Variants in HGS observed in about 807,000 individuals in gnomAD.
The protein encoded by HGS is hepatocyte growth factor-regulated tyrosine kinase substrate, also known as human growth factor-regulated tyrosine kinase substrate.
A neutral mutation model predicts 109.7 loss-of-function variants in HGS; 63 were observed. The observed-to-expected ratio is 0.57, with a 90% CI of 0.47 to 0.71. HGS has a LOEUF of 0.71. Ranked by LOEUF, HGS falls within the 30% of genes least tolerant of loss-of-function variation. The pLI is 0.00. For synonymous variants in HGS, 546 were observed against 437.3 expected (o/e 1.25, Z -3.10); for missense variants, 995 against 1,068.3 (o/e 0.93, Z 0.96).
intron 4 of HGS, among the ~76,000 whole-genome samples, chr17:81,688,408 G>A (rs563526860): frequency 2.0e-5 from 3 of 152,354 alleles, no homozygotes; most frequent in African/African-American, 4.8e-5. Context: ...GGAGGCTGAC[G>A]GGAACCGGGG....
intron 2 of HGS, 107 bp from the exon 3 acceptor site, chr17:81,686,205 A>G (rs967602016): frequency 4.6e-6 from 4 of 869,472 alleles, no homozygotes; most frequent in Non-Finnish European, 5.5e-6. Context: ...CACTGGGATT[A>G]CAGGCGTGAG....
chr17:81,686,468 G>A (rs2036981290), intron 3 of HGS, 81 bp downstream of exon 3: 2 of 1,041,276 alleles, frequency 1.9e-6, no homozygotes, highest in South Asian at 1.3e-5. Context: ...AGTTTGTCCT[G>A]TGGCCTTGCC....
chr17:81,696,532 G>A lies in HGS; in HGVS notation c.1566+3G>A. On this transcript the variant is annotated splice_donor_region_variant and intron_variant, in intron 16 of 21. Coordinates refer to ENST00000329138, the MANE Select transcript of HGS (RefSeq NM_004712.5). ...AGATAATGCGGCAGAAGAAGCAGGT[G>A]CAGTGGCTGCCCAGCCACAGGCCGG... 1 of 1,532,532 alleles carries A rather than the reference G, an allele frequency of 6.5e-7. No homozygotes were observed. Among genetic ancestry groups the A allele is most frequent in the Middle Eastern group, 1.7e-4 (1 of 5,762 alleles). The allele number at this position is 1,532,532 out of a possible 1,614,324, so 94.9% of individuals were successfully genotyped here.
chr17:81,691,056 C>T lies in HGS; in HGVS notation c.537+314C>T. On this transcript the variant is annotated intron_variant, in intron 7 of 21. Coordinates refer to ENST00000329138, the MANE Select transcript of HGS (RefSeq NM_004712.5). This position sits in a 1 kb window ranked among gnomAD's most constrained non-coding sequence, Gnocchi z 5.3. The stretch of plus-strand genomic sequence containing the variant: ...GCCCCCTTCTCTTTGTGGCTTAGCC[C>T]ATCTGGATTCTTACCCTCGAGGCAT... 4.4e-6 allele frequency: 2 copies of T among 451,720 alleles called. No homozygotes were observed. Among genetic ancestry groups the T allele is most frequent in the South Asian group, 3.0e-5 (1 of 33,198 alleles). 28.0% of individuals were successfully genotyped at this position (451,720 alleles called of 1,614,324 possible). A position where few individuals can be genotyped will look rare whatever the true frequency, so the allele number is the denominator to read the frequency against.
intron 18 of HGS, 27 bp from the exon 19 acceptor site, chr17:81,700,440 C>T: frequency 6.6e-7 from 1 of 1,518,972 alleles, no homozygotes; most frequent in Non-Finnish European, 8.8e-7. Context: ...CCTGGCTGAA[C>T]CATCTCCCCT....
intron 1 of HGS, among the ~76,000 whole-genome samples, chr17:81,685,363 C>T (rs1162209149): frequency 6.6e-6 from 1 of 152,164 alleles, no homozygotes; most frequent in Non-Finnish European, 1.5e-5. Flanking sequence ...TTACCTCGCT[C>T]GCGGGTTGTG....
Position 81,686,401 on chromosome 17 carries a change from C to T in HGS, c.198+14C>T, listed in dbSNP as rs766710848. ...TATGCCCTGGAGGTAAGCAGACCCC[C>T]GTGCCTCAGTGGCCCCCAGGGTCCC... On this transcript the variant is annotated intron_variant, in intron 3 of 21. Coordinates refer to ENST00000329138, the MANE Select transcript of HGS (RefSeq NM_004712.5). The T allele has an allele frequency of 1.4e-5, 23 of 1,609,270 alleles. No homozygotes were observed. Among genetic ancestry groups the T allele is most frequent in the East Asian group, 2.2e-5 (1 of 44,874 alleles).
At chr17:81,685,186 G>A (rs1568211127) in intron 1 of HGS, 1 of 509,784 alleles carries the variant, frequency 2.0e-6, no homozygotes, top group Non-Finnish European at 2.5e-6. Flanking sequence ...CCCAAGCTAA[G>A]GTCCCATTGA....
intron 11 of HGS, among the ~76,000 whole-genome samples, 180 bp downstream of exon 11, chr17:81,694,145 G>A (rs1359239476): frequency 2.0e-5 from 3 of 152,136 alleles, no homozygotes; most frequent in Non-Finnish European, 4.4e-5. Context: ...CCAGGCACCC[G>A]TTGCTCCTGG....
In HGS at chr17:81,696,017, G is replaced by T; in HGVS notation, c.1393+18G>T. On this transcript the variant is annotated intron_variant, in intron 15 of 21. Coordinates refer to ENST00000329138, the MANE Select transcript of HGS (RefSeq NM_004712.5). ...GCGCAGGCGTAGGTGCCCGCGCCAC[G>T]GGGCCTCGGCTCAGGGGCAGCCAGG... The T allele has an allele frequency of 2.0e-6, 3 of 1,532,808 alleles. No homozygotes were observed. Among genetic ancestry groups the T allele is most frequent in the Non-Finnish European group, 2.6e-6 (3 of 1,138,730 alleles). 95.0% of individuals were successfully genotyped at this position (1,532,808 alleles called of 1,614,324 possible). A position where few individuals can be genotyped will look rare whatever the true frequency, so the allele number is the denominator to read the frequency against.
At chr17:81,686,832 G>A (rs1446325944) in intron 3 of HGS, among the ~76,000 whole-genome samples, 171 bp from the exon 4 acceptor site, 2 of 146,948 alleles carry the variant, frequency 1.4e-5, no homozygotes, top group South Asian at 2.1e-4. Flanking sequence ...GTTCCCCTCC[G>A]GCCACTGACG....
At chr17:81,689,206 C>T (rs1483634668) in intron 5 of HGS, among the ~76,000 whole-genome samples, 1 of 152,194 alleles carries the variant, frequency 6.6e-6, no homozygotes, top group Non-Finnish European at 1.5e-5. Flanking sequence ...CGTGAGCAGG[C>T]AGGCAGCACC....
chr17:81,695,846 A>G lies in HGS; in HGVS notation c.1240A>G (p.Asn414Asp), dbSNP rs1330720106. 1.2e-6 allele frequency: 2 copies of G among 1,613,400 alleles called. No homozygotes were observed. The highest frequency in any genetic ancestry group is 1.7e-6 in the Non-Finnish European group (2 of 1,180,016). The part of the protein sequence containing the change: ...SHEQFLKALQ[N>D]AVTTFVNRMK... ...CGAGCAGTTCCTGAAGGCGCTGCAGAACGCCGTCACCACCTTCGTGAACCG... is the reference window on the plus strand; with the variant it reads ...CGAGCAGTTCCTGAAGGCGCTGCAGGACGCCGTCACCACCTTCGTGAACCG... Residue 414 changes from asparagine to aspartate, a missense_variant, in exon 15 of 22, where the codon AAC becomes GAC. Physicochemically the swap from Asn to Asp is conservative, Grantham distance 23. This residue lies in a region of HGS where 163 missense variants were observed against 217.8 expected (regional missense o/e 0.75). Coordinates refer to ENST00000329138, the MANE Select transcript of HGS (RefSeq NM_004712.5).
In HGS at chr17:81,701,735, CGAGT is replaced by C. The variant is rs2037241582; in HGVS notation, c.*121_*124del. On this transcript the variant is annotated 3_prime_UTR_variant, in exon 22 of 22. Transcript: ENST00000329138. ...TACTGCCGGTAGTGTCCCTTCTCTG[CGAGT>C]GAGGGGGGGCCTTCACCCCAAGCCC... The C allele has an allele frequency of 1.1e-5, 16 of 1,408,806 alleles. No homozygotes were observed. The highest frequency in any genetic ancestry group is 4.3e-5 in the African/African-American group (3 of 69,936). 87.3% of individuals were successfully genotyped at this position (1,408,806 alleles called of 1,614,324 possible). A position where few individuals can be genotyped will look rare whatever the true frequency, so the allele number is the denominator to read the frequency against.
chr17:81,695,374 C>A, intron 14 of HGS, 151 bp downstream of exon 14: 1 of 778,458 alleles, frequency 1.3e-6, no homozygotes, highest in Non-Finnish European at 2.1e-6. Context: ...CCTGCCCTGC[C>A]CTTTGTGGCC....
chr17:81,701,639 G>T lies in HGS; in HGVS notation c.*21G>T. The T allele has an allele frequency of 1.0e-5, 16 of 1,540,870 alleles. No individual in the cohort carries two copies. Among genetic ancestry groups the T allele is most frequent in the Non-Finnish European group, 1.4e-5 (16 of 1,148,858 alleles). ...ACTGACCCAGGCCATGCTCACGTCC[G>T]GAGTAACACTACATACAGTTCACCT... On this transcript the variant is annotated 3_prime_UTR_variant, in exon 22 of 22. Transcript: ENST00000329138.
chr17:81,684,533 T>A (rs189575135), intron 1 of HGS: 3 of 167,700 alleles, frequency 1.8e-5, no homozygotes, highest in African/African-American at 7.1e-5. Flanking sequence ...CAGTGTTCTC[T>A]CTGGGACCTT....
At chr17:81,686,887 C>A (rs2036987765) in intron 3 of HGS, 116 bp from the exon 4 acceptor site, 1 of 780,728 alleles carries the variant, frequency 1.3e-6, no homozygotes, top group Non-Finnish European at 2.1e-6. Context: ...CCCCACCGGC[C>A]ACTGACGGGC....
chr17:81,699,295 G>A (rs1454820622), intron 18 of HGS, among the ~76,000 whole-genome samples: 1 of 152,222 alleles, frequency 6.6e-6, no homozygotes, highest in Non-Finnish European at 1.5e-5. Flanking sequence ...GTGGAGTCCA[G>A]ATTTTGGGTT....
Sources: gnomAD v4.1 joint callset for allele counts (sites outside exome capture counted in the v4.1 genomes callset) on GRCh38, gnomAD v4.1.1 for gene constraint, gnomAD v4.1.1 regional missense constraint, Gnocchi (gnomAD v3.1) non-coding constraint, MANE v1.5 for transcripts, NCBI Gene and HGNC (gene_info 2026-07-23, HGNC 2026-07-21) for gene names.